The following MAP4 variants were observed in gnomAD, a reference collection of about 807,000 sequenced individuals.
MAP4 encodes the protein microtubule-associated protein 4.
In MAP4, 76 loss-of-function variants were observed where a neutral mutation model predicts 170.2. The ratio of observed to expected loss-of-function variants is 0.45; its 90% confidence interval spans 0.37 to 0.54. The LOEUF (loss-of-function observed/expected upper bound fraction) is 0.54. Ranked by LOEUF, MAP4 falls within the 20% of genes least tolerant of loss-of-function variation. The pLI is 0.00. For missense variants in MAP4, 2,506 were observed against 2,748.0 expected, an observed-to-expected ratio of 0.91 and a Z score of 1.97; for synonymous variants, 909 against 994.5, an observed-to-expected ratio of 0.91 and a Z score of 1.62.
chr3:48,019,906 C>T (rs1265318145), upstream of MAP4, among the ~76,000 whole-genome samples: 1 of 152,148 alleles, frequency 6.6e-6, no homozygotes, highest in Non-Finnish European at 1.5e-5. Flanking sequence ...AGAAAAACTT[C>T]TCCCATTAAG....
chr3:47,914,241 G>C (rs1045860818), intron 8 of MAP4, among the ~76,000 whole-genome samples: 1 of 152,084 alleles, frequency 6.6e-6, no homozygotes, highest in African/African-American at 2.4e-5. Context: ...ATCAAAATTT[G>C]GGTGTCCTTT....
chr3:47,928,300 T>A lies in MAP4; in HGVS notation c.343A>T (p.Asn115Tyr), dbSNP rs755852098. The change falls in exon 4 of 21, where the codon AAT (asparagine) becomes TAT (tyrosine). Residue 115 changes from asparagine to tyrosine, a missense_variant. Physicochemically the swap from Asn to Tyr is moderately radical, Grantham distance 143. Around this residue, in one of 3 missense-constraint regions of MAP4, gnomAD observed 2,008 missense variants for 2,206.0 expected, o/e 0.91. Coordinates refer to ENST00000683076, the MANE Select transcript of MAP4 (RefSeq NM_001385682.1). ...EEKMAYQEYP[N>Y]SQNWPEDTNF... The stretch of plus-strand genomic sequence containing the variant: ...GTATCTTCTGGCCAGTTCTGGCTAT[T>A]TGGGTATTCCTGGTAGGCCATTTTC... 32 of 1,614,146 alleles carry A rather than the reference T, an allele frequency of 2.0e-5. No homozygotes were observed. The highest frequency in any genetic ancestry group is 2.3e-5 in the Non-Finnish European group (27 of 1,179,992).
intron 1 of MAP4, among the ~76,000 whole-genome samples, chr3:48,077,264 G>T (rs1307949277): frequency 6.6e-6 from 1 of 151,982 alleles, no homozygotes; most frequent in African/African-American, 2.4e-5. Flanking sequence ...CCAACATGGA[G>T]AAACCCCACT....
At chr3:48,057,743 T>C (rs533972133) in intron 1 of MAP4, among the ~76,000 whole-genome samples, 2 of 152,266 alleles carry the variant, frequency 1.3e-5, no homozygotes, top group African/African-American at 2.4e-5. Flanking sequence ...CTGTACCACT[T>C]TACTGTTAAC....
In MAP4 at chr3:47,912,003, TG is replaced by T. The variant is rs1309084785; in HGVS notation, c.2417del (p.Thr806AsnfsTer26). 6.5e-7 allele frequency: 1 copy of T among 1,536,116 alleles called. No homozygotes were observed. On this transcript the variant is annotated frameshift_variant, in exon 9 of 21. Coordinates refer to ENST00000683076, the MANE Select transcript of MAP4 (RefSeq NM_001385682.1). LOFTEE classifies it high-confidence loss of function. ...GGCTGGGGAGAACACCTGATTTTTG[TG>T]TGTCAGCTGCAAATGGATGACCTTT... The part of the protein sequence containing the change: ...KPKGHPFAAD[T>X]QKSGVLPSQP...
At chr3:48,088,163 C>G (rs2100150326) in intron 1 of MAP4, among the ~76,000 whole-genome samples, 1 of 152,108 alleles carries the variant, frequency 6.6e-6, no homozygotes, top group Non-Finnish European at 1.5e-5. Context: ...CTCCTAGTCC[C>G]TGTACCCTCC....
chr3:48,061,487 C>T (rs1265943427), intron 1 of MAP4, among the ~76,000 whole-genome samples: 1 of 152,220 alleles, frequency 6.6e-6, no homozygotes, highest in Non-Finnish European at 1.5e-5. Context: ...GTCTCGTTCA[C>T]TCAGTGCTCA....
chr3:47,947,038 G>A (rs2100060480), intron 3 of MAP4, among the ~76,000 whole-genome samples: 1 of 152,118 alleles, frequency 6.6e-6, no homozygotes, highest in Admixed American at 6.5e-5. Context: ...GCAACTATAG[G>A]TAACTGAGAT....
intron 17 of MAP4, among the ~76,000 whole-genome samples, chr3:47,861,666 AAACAAC>A (rs538497304): frequency 3.3e-5 from 5 of 151,406 alleles, no homozygotes; most frequent in African/African-American, 7.3e-5. Flanking sequence ...TCTGTCTTTA[AAACAAC>A]AACAACAACA....
intron 6 of MAP4, among the ~76,000 whole-genome samples, chr3:47,918,478 T>G (rs1418687491): frequency 6.6e-6 from 1 of 151,656 alleles, no homozygotes; most frequent in Non-Finnish European, 1.5e-5. Flanking sequence ...GAAAATGTGA[T>G]GAAAAAAATA....
intron 1 of MAP4, among the ~76,000 whole-genome samples, chr3:48,070,022 A>G (rs1229133223): frequency 6.6e-6 from 1 of 152,134 alleles, no homozygotes; most frequent in Non-Finnish European, 1.5e-5. Flanking sequence ...TACCCAGGCT[A>G]GAATGTAGTG....
rs147707490 is a variant in MAP4 at position 47,920,154 on chromosome 3, C to A, written c.530-1313G>T. On this transcript the variant is annotated intron_variant, in intron 5 of 20. Coordinates refer to ENST00000683076, the MANE Select transcript of MAP4 (RefSeq NM_001385682.1). The stretch of plus-strand genomic sequence containing the variant: ...CCCAGCTAATTTTTGTATTTTTAGT[C>A]GAGACAGTGTTTCACCATGTTGGCC... Among the ~76,000 whole-genome samples the A allele has an allele frequency of 4.1e-3, 623 of 152,060 alleles. 6 individuals are homozygous for A. The highest frequency in any genetic ancestry group is 0.014 in the African/African-American group (595 of 41,456).
chr3:48,037,746 G>A (rs1251679455), intron 1 of MAP4, among the ~76,000 whole-genome samples: 8 of 152,062 alleles, frequency 5.3e-5, no homozygotes, highest in Admixed American at 3.9e-4. Context: ...TATGAAAGTC[G>A]CCATGACTTC....
intron 3 of MAP4, among the ~76,000 whole-genome samples, chr3:47,971,329 C>CT (rs922902934): frequency 6.6e-6 from 1 of 152,218 alleles, no homozygotes; most frequent in Non-Finnish European, 1.5e-5. Flanking sequence ...TTCAGAAACT[C>CT]TAACACACCA....
intron 1 of MAP4, among the ~76,000 whole-genome samples, chr3:48,077,252 C>T (rs2100144395): frequency 6.6e-6 from 1 of 151,890 alleles, no homozygotes; most frequent in Admixed American, 6.6e-5. Flanking sequence ...AGCCCAGCCT[C>T]ACCAACATGG....
intron 1 of MAP4, among the ~76,000 whole-genome samples, chr3:48,062,792 CA>C (rs1300661740): frequency 6.6e-6 from 1 of 151,216 alleles, no homozygotes; most frequent in East Asian, 1.9e-4. Context: ...GGCGTGGTGG[CA>C]CATGCCTGTA....
chr3:47,974,516 T>C (rs992116957), intron 3 of MAP4: 20 of 983,102 alleles, frequency 2.0e-5, no homozygotes, highest in Non-Finnish European at 2.3e-5. Flanking sequence ...TTGGGGGTTA[T>C]AAGAAGCTGC....
At chr3:48,001,350 T>C (rs908642224) in intron 1 of MAP4, among the ~76,000 whole-genome samples, 1 of 152,242 alleles carries the variant, frequency 6.6e-6, no homozygotes, top group African/African-American at 2.4e-5. Flanking sequence ...TCAATTATAT[T>C]TATATAGACT....
chr3:48,006,402 A>G (rs1248183761), intron 1 of MAP4, among the ~76,000 whole-genome samples: 1 of 152,158 alleles, frequency 6.6e-6, no homozygotes, highest in Admixed American at 6.5e-5. Context: ...TTCCAGTTAA[A>G]CTAGGGGCTC....
Sources: gnomAD v4.1 joint callset for allele counts (sites outside exome capture counted in the v4.1 genomes callset) on GRCh38, gnomAD v4.1.1 for gene constraint, gnomAD v4.1.1 regional missense constraint, MANE v1.5 for transcripts, NCBI Gene and HGNC (gene_info 2026-07-23, HGNC 2026-07-21) for gene names.